Variants in ADAMTSL1 observed in about 807,000 individuals in gnomAD.
ADAMTSL1 encodes the protein ADAMTS like 1.
In ADAMTSL1, 126 loss-of-function variants were observed where a neutral mutation model predicts 201.8. The observed-to-expected ratio is 0.62, with a 90% CI of 0.54 to 0.72. The LOEUF is 0.72. ADAMTSL1 is among the 30% of genes least tolerant of loss of function. ADAMTSL1 has a pLI of 0.00. For synonymous variants in ADAMTSL1, 1,121 were observed against 903.4 expected (o/e 1.24, Z -4.32); for missense variants, 2,679 against 2,277.8 (o/e 1.18, Z -3.59).
intron 5 of ADAMTSL1, among the ~76,000 whole-genome samples, chr9:18,623,032 A>G (rs1003425720): frequency 1.3e-5 from 2 of 152,134 alleles, no homozygotes; most frequent in African/African-American, 4.8e-5. Context: ...AGTAGCTGTG[A>G]TTACAGATGC....
At chr9:18,429,179 T>C (rs1819369949) in intron 2 of ADAMTSL1, among the ~76,000 whole-genome samples, 1 of 152,202 alleles carries the variant, frequency 6.6e-6, no homozygotes, top group Non-Finnish European at 1.5e-5. Flanking sequence ...CATTTCATAA[T>C]GACATATTCT....
At chr9:18,837,059 T>C (rs1476749887) in intron 23 of ADAMTSL1, among the ~76,000 whole-genome samples, 8 of 152,184 alleles carry the variant, frequency 5.3e-5, no homozygotes, top group African/African-American at 1.9e-4. Context: ...TGAAGAGAGA[T>C]AGTTTGACTT....
At chr9:18,519,938 C>T (rs189062543) in intron 2 of ADAMTSL1, among the ~76,000 whole-genome samples, 22 of 152,264 alleles carry the variant, frequency 1.4e-4, no homozygotes, top group Middle Eastern at 3.4e-3. Flanking sequence ...TTCATAACTG[C>T]AGCCCATATT....
At chr9:18,864,925 G>A (rs1238764632) in intron 23 of ADAMTSL1, among the ~76,000 whole-genome samples, 1 of 152,078 alleles carries the variant, frequency 6.6e-6, no homozygotes, top group Non-Finnish European at 1.5e-5. Context: ...TCAGTACTTA[G>A]GGATGTTAGA....
At chr9:18,581,938 C>G (rs759111361) in intron 4 of ADAMTSL1, among the ~76,000 whole-genome samples, 2 of 152,198 alleles carry the variant, frequency 1.3e-5, no homozygotes, top group Non-Finnish European at 2.9e-5. Context: ...ATTCTTCTTT[C>G]ACTTTGTCCC....
intron 2 of ADAMTSL1, among the ~76,000 whole-genome samples, chr9:18,527,914 G>A (rs1319687844): frequency 2.0e-5 from 3 of 152,092 alleles, no homozygotes; most frequent in Non-Finnish European, 2.9e-5. Context: ...GTCTTGCTCT[G>A]TCGCCCAGGC....
At chr9:18,534,550 A>G (rs1312349623) in intron 3 of ADAMTSL1, among the ~76,000 whole-genome samples, 4 of 152,222 alleles carry the variant, frequency 2.6e-5, no homozygotes, top group African/African-American at 9.6e-5. Flanking sequence ...GTACTTGCCG[A>G]TCCCTCTGTT....
chr9:18,109,852 C>T (rs1047820192), intron 1 of ADAMTSL1, among the ~76,000 whole-genome samples: 7 of 152,188 alleles, frequency 4.6e-5, no homozygotes, highest in African/African-American at 1.2e-4. Context: ...CCCCTACTGC[C>T]ACTTTCCCCT....
chr9:18,702,226 A>G (rs1250268083), intron 13 of ADAMTSL1, among the ~76,000 whole-genome samples: 4 of 152,184 alleles, frequency 2.6e-5, no homozygotes, highest in Non-Finnish European at 5.9e-5. Flanking sequence ...GAGCTACAAG[A>G]TGAGATTTGG....
intron 2 of ADAMTSL1, among the ~76,000 whole-genome samples, chr9:18,318,868 A>T (rs1834511785): frequency 6.6e-6 from 1 of 152,154 alleles, no homozygotes; most frequent in Non-Finnish European, 1.5e-5. Context: ...TATAGATATA[A>T]TTTTATTTAG....
chr9:17,926,973 T>C (rs1374286745), intron 1 of ADAMTSL1, among the ~76,000 whole-genome samples: 2 of 152,188 alleles, frequency 1.3e-5, no homozygotes, highest in East Asian at 1.9e-4. Context: ...TACATTTATG[T>C]TGTTGTACAA....
chr9:18,316,498 G>C (rs1834400275), intron 2 of ADAMTSL1, among the ~76,000 whole-genome samples: 1 of 152,034 alleles, frequency 6.6e-6, no homozygotes, highest in African/African-American at 2.4e-5. Context: ...TGAGAAAAAA[G>C]AATTCAGCGA....
At chr9:18,206,419 A>G (rs1365106251) in intron 2 of ADAMTSL1, among the ~76,000 whole-genome samples, 1 of 151,346 alleles carries the variant, frequency 6.6e-6, no homozygotes, top group Non-Finnish European at 1.5e-5. Context: ...AATTTCCTTC[A>G]CTCCTTTCTC....
intron 1 of ADAMTSL1, among the ~76,000 whole-genome samples, chr9:18,096,910 T>C (rs1824277392): frequency 6.6e-6 from 1 of 152,242 alleles, no homozygotes; most frequent in Non-Finnish European, 1.5e-5. Flanking sequence ...CATCTTCTCT[T>C]AGTATGCTTT....
At chr9:18,870,401 C>G (rs1026431775) in intron 23 of ADAMTSL1, among the ~76,000 whole-genome samples, 2 of 152,164 alleles carry the variant, frequency 1.3e-5, no homozygotes, top group African/African-American at 4.8e-5. Flanking sequence ...CAAACTCTAG[C>G]CTCTATCTTC....
intron 2 of ADAMTSL1, among the ~76,000 whole-genome samples, chr9:18,509,862 C>A (rs965825789): frequency 1.9e-4 from 29 of 152,138 alleles, no homozygotes; most frequent in African/African-American, 7.0e-4. Flanking sequence ...TCTTCTATGG[C>A]TTTCTTACTC....
At chr9:18,371,718 C>G (rs1484962448) in intron 2 of ADAMTSL1, among the ~76,000 whole-genome samples, 1 of 152,104 alleles carries the variant, frequency 6.6e-6, no homozygotes, top group Non-Finnish European at 1.5e-5. Context: ...AAATGCATTT[C>G]ACAATCACAA....
chr9:18,456,007 G>T (rs1820588457), intron 2 of ADAMTSL1, among the ~76,000 whole-genome samples: 1 of 152,072 alleles, frequency 6.6e-6, no homozygotes, highest in Non-Finnish European at 1.5e-5. Context: ...CTTCCTAGAA[G>T]TCATAAAGAA....
intron 3 of ADAMTSL1, among the ~76,000 whole-genome samples, chr9:18,557,949 C>T: frequency 6.6e-6 from 1 of 151,950 alleles, no homozygotes; most frequent in East Asian, 1.9e-4. Context: ...GGCATAAAAG[C>T]ACAATGAAGT....
Sources: allele counts gnomAD v4.1 joint callset (sites outside exome capture counted in the v4.1 genomes callset), GRCh38; gene constraint gnomAD v4.1.1; transcripts MANE v1.5; gene names NCBI Gene and HGNC (gene_info 2026-07-23, HGNC 2026-07-21).